The following CTCF variants were observed in gnomAD, a reference collection of about 807,000 sequenced individuals.
The protein encoded by CTCF is CCCTC-binding factor, also known as transcriptional repressor CTCF.
CTCF carries 7 observed loss-of-function variants against 72.3 expected under a neutral mutation model. That is an observed-to-expected ratio of 0.10 (90% CI 0.06 to 0.18). CTCF has a LOEUF of 0.18. Among genes scored for constraint, CTCF ranks in the 10% least tolerant of loss-of-function variants. CTCF has a pLI of 1.00. For missense variants in CTCF, 516 were observed against 949.1 expected, an observed-to-expected ratio of 0.54 and a Z score of 6.00; for synonymous variants, 374 against 315.8, an observed-to-expected ratio of 1.18 and a Z score of -1.95.
intron 2 of CTCF, among the ~76,000 whole-genome samples, chr16:67,597,842 G>A (rs1158505655): frequency 6.6e-6 from 1 of 152,124 alleles, no homozygotes; most frequent in African/African-American, 2.4e-5. Flanking sequence ...GCCTATAGTA[G>A]TAACAGTACC....
At chr16:67,627,757 G>A (rs1209138732) in intron 8 of CTCF, 1 of 152,338 alleles carries the variant, frequency 6.6e-6, no homozygotes, top group Non-Finnish European at 1.5e-5. Flanking sequence ...GACCATCCTA[G>A]CTAACACAGT....
At chr16:67,600,838 A>G (rs1186875273) in intron 2 of CTCF, among the ~76,000 whole-genome samples, 2 of 152,184 alleles carry the variant, frequency 1.3e-5, no homozygotes, top group Non-Finnish European at 2.9e-5. Flanking sequence ...GAGGAAAAAA[A>G]ATGTGTCCTG....
At chr16:67,583,103 A>G (rs980959807) in intron 2 of CTCF, among the ~76,000 whole-genome samples, 8 of 150,518 alleles carry the variant, frequency 5.3e-5, no homozygotes, top group African/African-American at 1.5e-4. Flanking sequence ...TCCTGCCTCA[A>G]CCTCCCAAGT....
chr16:67,628,297 A>G, intron 8 of CTCF, 73 bp from the exon 9 acceptor site: 4 of 1,392,260 alleles, frequency 2.9e-6, no homozygotes, highest in African/African-American at 1.4e-5. Context: ...TGTTGGCCAC[A>G]TGCATGCAGG....
intron 2 of CTCF, among the ~76,000 whole-genome samples, chr16:67,597,574 T>G (rs1429942226): frequency 6.6e-6 from 1 of 152,066 alleles, no homozygotes; most frequent in East Asian, 1.9e-4. Context: ...CCTGACCTTA[T>G]TATCCACCCG....
intron 11 of CTCF, 98 bp downstream of exon 11, chr16:67,636,949 A>G (rs2052439477): frequency 2.6e-6 from 3 of 1,163,242 alleles, no homozygotes; most frequent in Non-Finnish European, 2.3e-6. Flanking sequence ...GAACTAAGCC[A>G]TGAGAACAAG....
chr16:67,597,712 T>C (rs1294364406), intron 2 of CTCF, among the ~76,000 whole-genome samples: 1 of 152,212 alleles, frequency 6.6e-6, no homozygotes, highest in Non-Finnish European at 1.5e-5. Context: ...TTTTCCTACA[T>C]AGTTAACTGT....
chr16:67,609,922 G>A (rs1269272671), intron 2 of CTCF, among the ~76,000 whole-genome samples: 1 of 152,084 alleles, frequency 6.6e-6, no homozygotes, highest in Non-Finnish European at 1.5e-5. Context: ...CACCGTGCCC[G>A]GCCTGGCCTG....
In CTCF at chr16:67,620,688, G is replaced by A. The variant is rs374109562; in HGVS notation, c.1087-9G>A. The A allele has an allele frequency of 7.0e-5, 108 of 1,546,490 alleles. No homozygotes were observed. In the South Asian group the frequency reaches 1.1e-3, roughly 15 times the overall value. Reference sequence around the variant, plus strand: ...CAGAAGTTAAAGTTCGGTTGTTTTCGTATTTCAGGTCAGCAAATTAAAACG... The same window carrying A: ...CAGAAGTTAAAGTTCGGTTGTTTTCATATTTCAGGTCAGCAAATTAAAACG... On this transcript the variant is annotated splice_polypyrimidine_tract_variant and intron_variant, in intron 5 of 11. Coordinates refer to ENST00000264010, the MANE Select transcript of CTCF (RefSeq NM_006565.4).
intron 2 of CTCF, among the ~76,000 whole-genome samples, chr16:67,575,820 C>T (rs776207106): frequency 3.3e-5 from 5 of 151,710 alleles, no homozygotes; most frequent in African/African-American, 7.3e-5. Context: ...ATGAACTAAA[C>T]GGAAATATTG....
rs753285422 is a variant in CTCF, at chr16:67,620,836, T to C, written c.1207+19T>C. 9 of 1,555,662 alleles carry C rather than the reference T, an allele frequency of 5.8e-6. No homozygotes were observed. In the South Asian group the frequency reaches 1.1e-4, roughly 18 times the overall value. ...CATTCAGGTAGGACTTCTCCACTCC[T>C]TACTGTATTAATGAGCTTCTTTTCA... On this transcript the variant is annotated intron_variant, in intron 6 of 11. Coordinates refer to ENST00000264010, the MANE Select transcript of CTCF (RefSeq NM_006565.4).
chr16:67,620,960 G>A, intron 6 of CTCF, 143 bp downstream of exon 6: 3 of 599,980 alleles, frequency 5.0e-6, no homozygotes, highest in Non-Finnish European at 7.7e-6. Flanking sequence ...TGCTTCTCCG[G>A]CATATCCTCT....
At chr16:67,628,319 GCAGTAGCCC>G (rs2052318361) in intron 8 of CTCF, 42 bp from the exon 9 acceptor site, 1 of 1,566,014 alleles carries the variant, frequency 6.4e-7, no homozygotes, top group Admixed American at 1.8e-5. Flanking sequence ...GGCAGCTGGG[GCAGTAGCCC>G]CATGAGCAGG....
At chr16:67,572,953 C>T (rs1416855894) in intron 2 of CTCF, among the ~76,000 whole-genome samples, 4 of 131,108 alleles carry the variant, frequency 3.1e-5, no homozygotes, top group Non-Finnish European at 5.0e-5. Context: ...CCCCGCCCCC[C>T]CCCCCAAAAC....
intron 4 of CTCF, chr16:67,615,322 T>C (rs1331203848): frequency 6.6e-6 from 1 of 152,220 alleles, no homozygotes; most frequent in Non-Finnish European, 1.5e-5. Flanking sequence ...GCTTACTTTG[T>C]TCTAAAAGAA....
intron 2 of CTCF, among the ~76,000 whole-genome samples, chr16:67,585,480 TA>T (rs1233274975): frequency 6.6e-6 from 1 of 152,268 alleles, no homozygotes; most frequent in Non-Finnish European, 1.5e-5. Flanking sequence ...GTTCAGTATC[TA>T]ATAAGATTTT....
At chr16:67,584,600 A>G (rs1268425522) in intron 2 of CTCF, among the ~76,000 whole-genome samples, 1 of 151,872 alleles carries the variant, frequency 6.6e-6, no homozygotes, top group African/African-American at 2.4e-5. Context: ...TGCTGGGATT[A>G]CAGGCGTGAG....
chr16:67,630,943 G>A (rs1457938836), intron 10 of CTCF, among the ~76,000 whole-genome samples: 1 of 152,104 alleles, frequency 6.6e-6, no homozygotes, highest in Non-Finnish European at 1.5e-5. Flanking sequence ...GGATGGAAAA[G>A]GTGGTAGAGA....
chr16:67,571,670 A>G (rs2051422370), intron 2 of CTCF, among the ~76,000 whole-genome samples: 1 of 152,232 alleles, frequency 6.6e-6, no homozygotes, highest in Admixed American at 6.6e-5. Context: ...TGAACTGAAA[A>G]GAAAGTCCAT....
Sources: allele counts gnomAD v4.1 joint callset (sites outside exome capture counted in the v4.1 genomes callset), GRCh38; gene constraint gnomAD v4.1.1; transcripts MANE v1.5; gene names NCBI Gene and HGNC (gene_info 2026-07-23, HGNC 2026-07-21).